PRMT7: variants seen among roughly 807,000 people sequenced by gnomAD.
PRMT7 encodes protein arginine methyltransferase 7.
A neutral mutation model predicts 85.4 loss-of-function variants in PRMT7; 75 were observed. That is an observed-to-expected ratio of 0.88 (90% CI 0.73 to 1.06). PRMT7 has a LOEUF of 1.06. PRMT7 is among the 50% of genes least tolerant of loss of function. The pLI, the probability that PRMT7 is intolerant of heterozygous loss-of-function variation, is 0.00. For missense variants in PRMT7, 868 were observed against 915.2 expected (o/e 0.95, Z 0.67); for synonymous variants, 397 against 359.5 (o/e 1.10, Z -1.18).
chr16:68,343,526 C>T (rs2085863521), intron 9 of PRMT7, among the ~76,000 whole-genome samples: 1 of 152,196 alleles, frequency 6.6e-6, no homozygotes. Context: ...TCTGTCCCAC[C>T]TTGGCACAGT....
chr16:68,312,613 G>A (rs2044056444), intron 2 of PRMT7, among the ~76,000 whole-genome samples: 2 of 152,136 alleles, frequency 1.3e-5, no homozygotes, highest in South Asian at 4.1e-4. Flanking sequence ...TGGCATGGTG[G>A]TTTCTATTTC....
chr16:68,352,476 AG>A, intron 15 of PRMT7, 67 bp downstream of exon 15: 5 of 1,514,860 alleles, frequency 3.3e-6, no homozygotes, highest in Non-Finnish European at 4.4e-6. Context: ...GTTTTCTTGC[AG>A]GAACCTTGGG....
In PRMT7 at chr16:68,357,013, G is replaced by A. The variant is rs752500278; in HGVS notation, c.1909-41G>A. ...GGCTGGCTAGGAAGGAGGCTCAGGT[G>A]CCAGGGAGCCCTCACCATCTTCCTG... On this transcript the variant is annotated intron_variant, in intron 18 of 18. Coordinates refer to ENST00000441236, the MANE Select transcript of PRMT7 (RefSeq NM_019023.5). 5 of 1,561,974 alleles carry A rather than the reference G, an allele frequency of 3.2e-6. No individual in the cohort carries two copies. The South Asian group carries it at 4.8e-5, about 15-fold the overall frequency.
chr16:68,339,061 T>C (rs1396309966), intron 7 of PRMT7, among the ~76,000 whole-genome samples: 1 of 152,096 alleles, frequency 6.6e-6, no homozygotes, highest in African/African-American at 2.4e-5. Context: ...ACGTGAAGCA[T>C]TTAAGAGTGC....
chr16:68,359,816 T>C (rs2089135580), downstream of PRMT7: 1 of 152,512 alleles, frequency 6.6e-6, no homozygotes, highest in Non-Finnish European at 1.5e-5. Flanking sequence ...CCCTGGAGTC[T>C]CTTAAAGGCA....
In PRMT7 at chr16:68,312,225, A is replaced by ATTTTTTT. The variant is rs1411942990; in HGVS notation, c.-84+50_-84+51insTTTTTTT. 123 of 57,200 alleles carry ATTTTTTT rather than the reference A, an allele frequency of 2.2e-3. 1 individual carries two copies. The highest frequency in any genetic ancestry group is 7.9e-3 in the African/African-American group (118 of 14,958). 3.5% of individuals were successfully genotyped at this position (57,200 alleles called of 1,614,324 possible). On this transcript the variant is annotated intron_variant, in intron 2 of 18. Coordinates refer to ENST00000441236, the MANE Select transcript of PRMT7 (RefSeq NM_019023.5). The stretch of plus-strand genomic sequence containing the variant: ...TATATTTATATATATATATATATAT[A>ATTTTTTT]TATATTTTTTTTTTTAAGACAGGGT...
intron 3 of PRMT7, among the ~76,000 whole-genome samples, chr16:68,319,217 A>G (rs1441392129): frequency 6.6e-6 from 1 of 152,186 alleles, no homozygotes; most frequent in East Asian, 1.9e-4. Context: ...TGGAACTGAA[A>G]CTGGGAGAGG....
chr16:68,358,855 C>T (rs1723795207), downstream of PRMT7: 3 of 152,494 alleles, frequency 2.0e-5, no homozygotes, highest in Non-Finnish European at 1.5e-5. Flanking sequence ...GTGGAAGGGC[C>T]TGGCCTGCAC....
rs2088546417 is a variant in PRMT7 at position 68,356,570 on chromosome 16, A to G, written c.1812-131A>G. ...TGAGGAACGTTTATGTAACTGCAGCACTAGGAACTCCCGGCAGGGCAGGAA... is the reference window on the plus strand; with the variant it reads ...TGAGGAACGTTTATGTAACTGCAGCGCTAGGAACTCCCGGCAGGGCAGGAA... On this transcript the variant is annotated intron_variant, in intron 17 of 18. Coordinates refer to ENST00000441236, the MANE Select transcript of PRMT7 (RefSeq NM_019023.5). The G allele has an allele frequency of 8.7e-6, 6 of 687,404 alleles. No individual in the cohort carries two copies. In the South Asian group the frequency reaches 1.1e-4, roughly 12 times the overall value. 42.6% of individuals were successfully genotyped at this position (687,404 alleles called of 1,614,324 possible).
intron 9 of PRMT7, 86 bp from the exon 10 acceptor site, chr16:68,345,589 T>C (rs1360142013): frequency 5.1e-6 from 8 of 1,576,844 alleles, no homozygotes; most frequent in Non-Finnish European, 6.9e-6. Context: ...TCCTGAAAAC[T>C]GGCAGTTCTC....
chr16:68,346,984 T>C (rs33946090), intron 11 of PRMT7, among the ~76,000 whole-genome samples: 92,180 of 151,074 alleles, frequency 0.61, 28,273 homozygotes, highest in East Asian at 0.78. Flanking sequence ...CAGCGGGGCC[T>C]CTAGGCTGGG....
intron 4 of PRMT7, 62 bp from the exon 5 acceptor site, chr16:68,324,621 G>T (rs1345692695): frequency 1.6e-5 from 25 of 1,593,984 alleles, no homozygotes; most frequent in Non-Finnish European, 2.1e-5. Flanking sequence ...CTAGAACTTT[G>T]CAAAGCACCT....
intron 5 of PRMT7, among the ~76,000 whole-genome samples, chr16:68,327,294 A>G (rs892800493): frequency 3.5e-4 from 54 of 152,200 alleles, no homozygotes; most frequent in African/African-American, 1.3e-3. Context: ...GTGTAGGGCC[A>G]CACGTGAGTC....
chr16:68,358,362 ATCCT>A lies in PRMT7; in HGVS notation c.*1144_*1147del, dbSNP rs1458770376. On this transcript the variant is annotated 3_prime_UTR_variant, in exon 19 of 19. Coordinates refer to ENST00000441236, the MANE Select transcript of PRMT7 (RefSeq NM_019023.5). ...CAGTTTTATTTTCTCCTCGTTATCC[ATCCT>A]TCCTTTCAGCACCAGTAAGGAAAAA... The A allele has an allele frequency of 2.6e-5, 4 of 152,744 alleles. No homozygotes were observed. The East Asian group carries it at 7.5e-4, about 29-fold the overall frequency. 9.5% of individuals were successfully genotyped at this position (152,744 alleles called of 1,614,324 possible).
chr16:68,329,827 A>G (rs1451351149), intron 6 of PRMT7, among the ~76,000 whole-genome samples: 1 of 151,856 alleles, frequency 6.6e-6, no homozygotes, highest in Admixed American at 6.6e-5. Context: ...CAACATGAAC[A>G]ATTTTCCTGT....
At chr16:68,355,624 C>G in intron 16 of PRMT7, 99 bp from the exon 17 acceptor site, 1 of 1,276,036 alleles carries the variant, frequency 7.8e-7, no homozygotes, top group Non-Finnish European at 1.0e-6. Context: ...GAACGCACAC[C>G]CCTTGTGACT....
chr16:68,327,481 A>G (rs1344355984), intron 5 of PRMT7, among the ~76,000 whole-genome samples: 2 of 152,118 alleles, frequency 1.3e-5, no homozygotes, highest in Non-Finnish European at 2.9e-5. Context: ...AGGTGGGGCC[A>G]GGATAGGGAA....
At position 68,352,244 on chromosome 16, in the gene PRMT7, C is replaced by G; in HGVS notation, c.1414-4C>G. ...CTGGGCCCTGCTTCTCGCCCATTCA[C>G]CAGGTCTCTCTCCTCCTGGGCGAGC... On this transcript the variant is annotated splice_polypyrimidine_tract_variant and splice_region_variant and intron_variant, in intron 14 of 18. Transcript: ENST00000441236. 1.2e-6 allele frequency: 2 copies of G among 1,612,806 alleles called. No individual in the cohort carries two copies. Among genetic ancestry groups the G allele is most frequent in the South Asian group, 1.1e-5 (1 of 91,026 alleles).
chr16:68,319,421 CTGG>C (rs959150589), intron 3 of PRMT7, among the ~76,000 whole-genome samples: 1 of 151,916 alleles, frequency 6.6e-6, no homozygotes, highest in African/African-American at 2.4e-5. Context: ...CAGGAGTGAG[CTGG>C]TGGTGGTTAC....
Sources: gnomAD v4.1 joint callset for allele counts (sites outside exome capture counted in the v4.1 genomes callset) on GRCh38, gnomAD v4.1.1 for gene constraint, MANE v1.5 for transcripts, NCBI Gene and HGNC (gene_info 2026-07-23, HGNC 2026-07-21) for gene names.